Variants in AHCY observed in about 807,000 individuals in gnomAD.
AHCY encodes S-adenosyl-L-homocysteine hydrolase.
Under a neutral mutation model 45.4 loss-of-function variants are expected in AHCY, and 24 were observed. That is an observed-to-expected ratio of 0.53 (90% CI 0.38 to 0.74). AHCY has a LOEUF of 0.74. AHCY is among the 30% of genes least tolerant of loss of function. AHCY has a pLI of 0.00. For synonymous variants in AHCY, 245 were observed against 235.1 expected, an observed-to-expected ratio of 1.04 and a Z score of -0.39; for missense variants, 449 against 594.1, an observed-to-expected ratio of 0.76 and a Z score of 2.54.
At chr20:34,295,122 G>A in intron 2 of AHCY, 2 of 563,342 alleles carry the variant, frequency 3.6e-6, no homozygotes, top group Non-Finnish European at 6.4e-6. Context: ...GTAGGACATG[G>A]GTGTTGAATT....
chr20:34,268,290 G>T, the AHCY span, among the ~76,000 whole-genome samples: 1 of 152,132 alleles, frequency 6.6e-6, no homozygotes, highest in African/African-American at 2.4e-5. Flanking sequence ...GCTCCTGCTG[G>T]GTTCCTGCAG....
chr20:34,285,088 T>C (rs1461430481), intron 9 of AHCY, among the ~76,000 whole-genome samples: 2 of 152,194 alleles, frequency 1.3e-5, no homozygotes, highest in Admixed American at 1.3e-4. Context: ...GGGGTTGCTA[T>C]TACCTTCATT....
At chr20:34,302,158 G>A (rs1339988605) in intron 1 of AHCY, among the ~76,000 whole-genome samples, 1 of 151,886 alleles carries the variant, frequency 6.6e-6, no homozygotes, top group Non-Finnish European at 1.5e-5. Context: ...CCGCCACCAC[G>A]CCCAGCTAGT....
Position 34,298,605 on chromosome 20 carries a change from CGGGAG to C in AHCY, c.29-3025_29-3021del, listed in dbSNP as rs2036658184. Among the ~76,000 whole-genome samples the C allele has an allele frequency of 6.4e-5, 2 of 31,266 alleles. 1 individual carries two copies. Among genetic ancestry groups the C allele is most frequent in the East Asian group, 2.5e-3 (2 of 802 alleles). The allele number at this position is 31,266 out of a possible 152,430, so 20.5% of individuals were successfully genotyped here. On this transcript the variant is annotated intron_variant, in intron 1 of 9. Transcript: ENST00000217426. Reference sequence around the variant, plus strand: ...TTAGCAGACTGGGAAGTGGCGGCGGCGGGAGGGGGGGGGGTGTCTCCCTTTCCCCA... The same window carrying C: ...TTAGCAGACTGGGAAGTGGCGGCGGCGGGGGGGGGTGTCTCCCTTTCCCCA...
downstream of AHCY, among the ~76,000 whole-genome samples, chr20:34,277,321 C>G (rs1290481074): frequency 1.3e-5 from 2 of 152,176 alleles, no homozygotes; most frequent in African/African-American, 2.4e-5. Flanking sequence ...TCTCCACATA[C>G]AAATGCTGGG....
chr20:34,285,352 A>G, intron 9 of AHCY, 88 bp downstream of exon 9: 1 of 1,473,802 alleles, frequency 6.8e-7, no homozygotes, highest in Non-Finnish European at 9.5e-7. Flanking sequence ...GCAGACAGGC[A>G]AGCACTTTAT....
At chr20:34,263,932 A>C in the AHCY span, among the ~76,000 whole-genome samples, 1 of 152,120 alleles carries the variant, frequency 6.6e-6, no homozygotes, top group South Asian at 2.1e-4. Context: ...CAGCCTACCA[A>C]AGTGCTGGGA....
At position 34,280,866 on chromosome 20, in the gene AHCY, G is replaced by T. The variant is rs774376599; in HGVS notation, c.*168C>A. The T allele has an allele frequency of 9.9e-5, 102 of 1,032,422 alleles. No individual in the cohort carries two copies. In the Middle Eastern group the frequency reaches 3.0e-3, roughly 31 times the overall value. The allele number at this position is 1,032,422 out of a possible 1,614,324, so 64.0% of individuals were successfully genotyped here. On this transcript the variant is annotated 3_prime_UTR_variant, in exon 10 of 10. Coordinates refer to ENST00000217426, the MANE Select transcript of AHCY (RefSeq NM_000687.4). ...TACTCTGTTCCCGCTGCCACATTTG[G>T]AACAGTATGACGGCTGCAGCAGAGG...
chr20:34,284,394 T>G (rs1301016258), intron 9 of AHCY, among the ~76,000 whole-genome samples: 1 of 152,090 alleles, frequency 6.6e-6, no homozygotes, highest in Non-Finnish European at 1.5e-5. Context: ...ACTTCTGACC[T>G]CAAATGATCT....
chr20:34,259,521 T>A, the AHCY span, among the ~76,000 whole-genome samples: 1 of 149,144 alleles, frequency 6.7e-6, no homozygotes, highest in Non-Finnish European at 1.5e-5. Context: ...TCAAAAAAAA[T>A]AAAAAGAGTT....
At chr20:34,266,183 C>T in the AHCY span, among the ~76,000 whole-genome samples, 32 of 151,814 alleles carry the variant, frequency 2.1e-4, no homozygotes, top group Admixed American at 1.7e-3. Context: ...GAAACCCCGT[C>T]TCTACTAAAA....
chr20:34,273,317 GGCTA>G, the AHCY span, among the ~76,000 whole-genome samples: 2 of 150,020 alleles, frequency 1.3e-5, no homozygotes, highest in Non-Finnish European at 3.0e-5. Context: ...TTTTCTCTCA[GGCTA>G]GCTAGAGTTG....
chr20:34,264,789 A>ATTTTTTTTTTT, the AHCY span, among the ~76,000 whole-genome samples: 2 of 104,216 alleles, frequency 1.9e-5, no homozygotes, highest in Non-Finnish European at 3.7e-5. Context: ...AGTTTACTTC[A>ATTTTTTTTTTT]TTTTTTTTTT....
At chr20:34,235,498 C>T in the AHCY span, among the ~76,000 whole-genome samples, 1 of 151,894 alleles carries the variant, frequency 6.6e-6, no homozygotes, top group Non-Finnish European at 1.5e-5. Context: ...AACAAAAGTT[C>T]ACGAAGGTTC....
At chr20:34,307,388 T>G (rs1490180415), upstream of AHCY, among the ~76,000 whole-genome samples, 1 of 152,136 alleles carries the variant, frequency 6.6e-6, no homozygotes, top group Non-Finnish European at 1.5e-5. Flanking sequence ...TTTTTGTTTT[T>G]TTTGTCGGAG....
At position 34,280,950 on chromosome 20, in the gene AHCY, A is replaced by C; in HGVS notation, c.*84T>G. The C allele has an allele frequency of 6.3e-7, 1 of 1,591,358 alleles. No individual in the cohort carries two copies. The highest frequency in any genetic ancestry group is 8.6e-7 in the Non-Finnish European group (1 of 1,167,724). ...TGGGGGACACTGACAAACCAATCAC[A>C]AAGTTGGTGCCATTAGCTCTTAGGG... On this transcript the variant is annotated 3_prime_UTR_variant, in exon 10 of 10. Transcript: ENST00000217426.
chr20:34,292,645 T>A, intron 3 of AHCY, 138 bp from the exon 4 acceptor site: 2 of 1,244,788 alleles, frequency 1.6e-6, no homozygotes, highest in Non-Finnish European at 2.3e-6. Flanking sequence ...AACTCAGCAG[T>A]GGTCAGGACA....
intron 1 of AHCY, among the ~76,000 whole-genome samples, chr20:34,297,308 T>C (rs2036606561): frequency 6.6e-6 from 1 of 152,034 alleles, no homozygotes; most frequent in East Asian, 1.9e-4. Context: ...TTAATTATTT[T>C]AGAGACATAG....
chr20:34,261,085 A>C, the AHCY span, among the ~76,000 whole-genome samples: 1 of 152,248 alleles, frequency 6.6e-6, no homozygotes, highest in Non-Finnish European at 1.5e-5. Flanking sequence ...AGAATTAAGT[A>C]ACTAGCACGG....
Sources: allele counts gnomAD v4.1 joint callset (sites outside exome capture counted in the v4.1 genomes callset), GRCh38; gene constraint gnomAD v4.1.1; transcripts MANE v1.5; gene names NCBI Gene and HGNC (gene_info 2026-07-23, HGNC 2026-07-21).